Variants in PDE12 observed in about 807,000 individuals in gnomAD.
PDE12 encodes the protein phosphodiesterase 12.
A neutral mutation model predicts 45.4 loss-of-function variants in PDE12; 26 were observed. The ratio of observed to expected loss-of-function variants is 0.57; its 90% CI spans 0.42 to 0.79. The LOEUF is 0.79. Among genes scored for constraint, PDE12 ranks in the 30% least tolerant of loss-of-function variants. PDE12 has a pLI of 0.00. For missense variants in PDE12, 668 were observed against 790.0 expected, an observed-to-expected ratio of 0.85 and a Z score of 1.85; for synonymous variants, 283 against 323.9, an observed-to-expected ratio of 0.87 and a Z score of 1.36.
At chr3:57,582,062 G>A in the PDE12 span, among the ~76,000 whole-genome samples, 2 of 152,152 alleles carry the variant, frequency 1.3e-5, no homozygotes, top group African/African-American at 2.4e-5. Flanking sequence ...TGGGTACAAT[G>A]CAAATATTCC....
the PDE12 span, among the ~76,000 whole-genome samples, chr3:57,643,561 C>T: frequency 4.6e-5 from 7 of 152,174 alleles, no homozygotes; most frequent in African/African-American, 1.7e-4. Context: ...GGCACGGTGG[C>T]TCACGTCTGT....
chr3:57,576,504 CTTTTTTTTTT>C, the PDE12 span, among the ~76,000 whole-genome samples: 3 of 101,616 alleles, frequency 3.0e-5, no homozygotes, highest in Non-Finnish European at 3.9e-5. Flanking sequence ...CTCAACCAAG[CTTTTTTTTTT>C]TTTTTTTTTT....
the PDE12 span, chr3:57,628,150 T>C: frequency 6.4e-7 from 1 of 1,563,642 alleles, no homozygotes; most frequent in South Asian, 1.2e-5. Context: ...TTTGTGCGTC[T>C]GGTTGAAATG....
In PDE12 at chr3:57,562,957, A is replaced by G. The variant is rs962105918; in HGVS notation, c.*2953A>G. On this transcript the variant is annotated 3_prime_UTR_variant, in exon 3 of 3. Coordinates refer to ENST00000311180, the MANE Select transcript of PDE12 (RefSeq NM_177966.7). ...CTGGAGATAGATTTCTGAGGAGCCT[A>G]ATACAAGGGAGAGAATGTCCAAAGA... The G allele has an allele frequency of 1.3e-5, 2 of 152,210 alleles. No individual in the cohort carries two copies. The highest frequency in any genetic ancestry group is 2.9e-5 in the Non-Finnish European group (2 of 68,036). 9.4% of individuals were successfully genotyped at this position (152,210 alleles called of 1,614,324 possible).
chr3:57,567,583 TC>T (rs1462925087), downstream of PDE12, among the ~76,000 whole-genome samples: 1 of 152,142 alleles, frequency 6.6e-6, no homozygotes, highest in Non-Finnish European at 1.5e-5. Context: ...CAAGTAACCT[TC>T]CAGTAGTGGC....
At chr3:57,630,466 C>A in the PDE12 span, 1 of 1,595,956 alleles carries the variant, frequency 6.3e-7, no homozygotes, top group Non-Finnish European at 8.5e-7. Flanking sequence ...ATTTTTGGGT[C>A]ATTTCCTTCC....
At chr3:57,643,045 T>C in the PDE12 span, among the ~76,000 whole-genome samples, 252 of 150,588 alleles carry the variant, frequency 1.7e-3, no homozygotes, top group African/African-American at 5.7e-3. Flanking sequence ...TGGAAGAAAT[T>C]TGGAAGTTAT....
the PDE12 span, chr3:57,628,472 A>G: frequency 7.6e-7 from 1 of 1,321,934 alleles, no homozygotes; most frequent in African/African-American, 1.5e-5. Flanking sequence ...CAGAAATTAC[A>G]GAAACTAAAA....
the PDE12 span, among the ~76,000 whole-genome samples, chr3:57,616,351 AAGG>A: frequency 4.4e-4 from 66 of 149,286 alleles, no homozygotes; most frequent in East Asian, 1.6e-3. Flanking sequence ...AGAAGAAGAA[AAGG>A]AGGAGGAGGA....
chr3:57,597,143 C>T, the PDE12 span: 4 of 1,613,740 alleles, frequency 2.5e-6, no homozygotes, highest in Admixed American at 1.7e-5. Flanking sequence ...AGGCCCATGG[C>T]GGTAGTGGCA....
At chr3:57,643,051 GTTATC>G in the PDE12 span, among the ~76,000 whole-genome samples, 4 of 151,020 alleles carry the variant, frequency 2.6e-5, no homozygotes, top group African/African-American at 9.7e-5. Context: ...AAATTTGGAA[GTTATC>G]TTATGAGGAG....
At chr3:57,571,281 G>A (rs888175464), downstream of PDE12, 2 of 152,184 alleles carry the variant, frequency 1.3e-5, no homozygotes, top group Non-Finnish European at 2.9e-5. Flanking sequence ...ACTGTTCACA[G>A]TACATAAAAT....
chr3:57,641,814 A>T, the PDE12 span: 1 of 1,362,346 alleles, frequency 7.3e-7, no homozygotes, highest in Non-Finnish European at 1.0e-6. Context: ...TCAGTGAAGA[A>T]TAGTTTACTT....
chr3:57,556,695 G>C lies in PDE12; in HGVS notation c.316G>C (p.Ala106Pro). The C allele has an allele frequency of 6.3e-7, 1 of 1,595,642 alleles. No homozygotes were observed. Among genetic ancestry groups the C allele is most frequent in the East Asian group, 2.2e-5 (1 of 44,582 alleles). Residue 106 changes from alanine to proline, a missense_variant, in exon 1 of 3, where the codon GCG becomes CCG. Transcript: ENST00000311180. The surrounding 1 kb of genome is among the most constrained non-coding windows in gnomAD (Gnocchi z 5.0). ...RKSRPNASGG[A>P]ACSGPGPEPA... ...GAGCCGGCCGAATGCTAGCGGCGGT[G>C]CGGCCTGTTCAGGGCCGGGGCCTGA...
the PDE12 span, among the ~76,000 whole-genome samples, chr3:57,573,396 G>A: frequency 0.013 from 1,961 of 152,130 alleles, 46 homozygotes; most frequent in African/African-American, 0.044. Flanking sequence ...TTAAGGCATA[G>A]TTTACTTTTA....
the PDE12 span, chr3:57,631,299 C>G: frequency 4.9e-6 from 1 of 204,100 alleles, no homozygotes; most frequent in South Asian, 9.9e-5. Context: ...CGGGTTCAAG[C>G]GATTCTCCCG....
At chr3:57,628,223 G>A in the PDE12 span, 1 of 1,612,352 alleles carries the variant, frequency 6.2e-7, no homozygotes. Context: ...ATCATGTCAT[G>A]CCCGTTTTGA....
At chr3:57,652,210 C>T in the PDE12 span, among the ~76,000 whole-genome samples, 1 of 152,144 alleles carries the variant, frequency 6.6e-6, no homozygotes, top group Non-Finnish European at 1.5e-5. Context: ...ACTTTGAAGG[C>T]TGAGTCATAC....
At chr3:57,574,838 C>T in the PDE12 span, among the ~76,000 whole-genome samples, 6 of 151,902 alleles carry the variant, frequency 3.9e-5, no homozygotes, top group African/African-American at 1.2e-4. Context: ...AGCAACAAAG[C>T]GAGACCCCCC....
Sources: allele counts gnomAD v4.1 joint callset (sites outside exome capture counted in the v4.1 genomes callset), GRCh38; gene constraint gnomAD v4.1.1; non-coding constraint Gnocchi (gnomAD v3.1); transcripts MANE v1.5; gene names NCBI Gene and HGNC (gene_info 2026-07-23, HGNC 2026-07-21).